MX1: variants seen among roughly 807,000 people sequenced by gnomAD.
The protein encoded by MX1 is interferon-induced GTP-binding protein Mx1.
A neutral mutation model predicts 66.4 loss-of-function variants in MX1; 66 were observed. That is an observed-to-expected ratio of 0.99 (90% CI 0.82 to 1.22). MX1 has a LOEUF of 1.22. Among genes scored for constraint, MX1 ranks in the 50% most tolerant of loss-of-function variants. The probability of loss-of-function intolerance (pLI) is 0.00; values close to 1 mark genes in which losing one functional copy is unlikely to be tolerated. For synonymous variants in MX1, 311 were observed against 318.1 expected, an observed-to-expected ratio of 0.98 and a Z score of 0.24; for missense variants, 787 against 834.3, an observed-to-expected ratio of 0.94 and a Z score of 0.70.
chr21:41,431,688 G>A (rs446742), intron 4 of MX1: 107,806 of 169,598 alleles, frequency 0.64, 36,784 homozygotes, highest in East Asian at 0.99. Context: ...CTTGGCCAGG[G>A]TGGTATTGAA....
intron 16 of MX1, among the ~76,000 whole-genome samples, chr21:41,454,282 G>A (rs2090907581): frequency 6.6e-6 from 1 of 152,200 alleles, no homozygotes; most frequent in Non-Finnish European, 1.5e-5. Context: ...TGAGTTCATG[G>A]AAACTCATCC....
intron 5 of MX1, among the ~76,000 whole-genome samples, chr21:41,434,464 A>G (rs2090306244): frequency 6.6e-6 from 1 of 152,156 alleles, no homozygotes; most frequent in South Asian, 2.1e-4. Flanking sequence ...ATATAATTAG[A>G]TTTGAGAATA....
upstream of MX1, chr21:41,421,402 T>G (rs1186325994): frequency 1.3e-5 from 2 of 152,736 alleles, no homozygotes; most frequent in African/African-American, 2.4e-5. Context: ...TTAATCCTCC[T>G]CAGCACAGAC....
intron 1 of MX1, chr21:41,426,586 C>T (rs942470487): frequency 3.3e-5 from 5 of 152,082 alleles, no homozygotes; most frequent in Admixed American, 3.3e-4. Context: ...GGGAGGTCTC[C>T]GAGGGACTCT....
chr21:41,433,104 T>C (rs2090267123), intron 5 of MX1, among the ~76,000 whole-genome samples: 1 of 152,232 alleles, frequency 6.6e-6, no homozygotes, highest in East Asian at 1.9e-4. Flanking sequence ...AGAGTGTGTC[T>C]CGTGATCTGG....
At position 41,451,858 on chromosome 21, in the gene MX1, A is replaced by AAG. The variant is rs1555887875; in HGVS notation, c.1509+616_1509+617insGA. ...TCAAAAAAAAAAAAAAAAACAAACAAAAAAACTTTCCATCCAGAGTGAGGA... is the reference window on the plus strand; with the variant it reads ...TCAAAAAAAAAAAAAAAAACAAACAAAGAAAAACTTTCCATCCAGAGTGAGGA... On this transcript the variant is annotated intron_variant, in intron 15 of 16. Coordinates refer to ENST00000398598, the MANE Select transcript of MX1 (RefSeq NM_002462.5). 2.6e-4 allele frequency among the ~76,000 whole-genome samples: 36 copies of AAG among 138,240 alleles called. 1 individual carries two copies. The highest frequency in any genetic ancestry group is 5.8e-4 in the African/African-American group (21 of 36,342). The allele number at this position is 138,240 out of a possible 152,430, so 90.7% of individuals were successfully genotyped here. A position where few individuals can be genotyped will look rare whatever the true frequency, so the allele number is the denominator to read the frequency against.
At chr21:41,448,505 G>A (rs75970187) in intron 13 of MX1, among the ~76,000 whole-genome samples, 4,683 of 152,206 alleles carry the variant, frequency 0.031, 239 homozygotes, top group East Asian at 0.098. Flanking sequence ...ACTCGAGTAC[G>A]TTTTTAAGAA....
chr21:41,441,532 C>T lies in MX1; in HGVS notation c.731-184C>T, dbSNP rs369577228. 2.4e-4 allele frequency: 154 copies of T among 629,252 alleles called. 1 individual carries two copies. Among genetic ancestry groups the T allele is most frequent in the South Asian group, 2.4e-3 (129 of 53,158 alleles). 39.0% of individuals were successfully genotyped at this position (629,252 alleles called of 1,614,324 possible). ...TCTGGGAGGCATCCCTGCCTTCACG[C>T]GGCTTGTCGTGGAGTTCTTTTCTGG... On this transcript the variant is annotated intron_variant, in intron 9 of 16. Coordinates refer to ENST00000398598, the MANE Select transcript of MX1 (RefSeq NM_002462.5). The surrounding 1 kb of genome is among the most constrained non-coding windows in gnomAD (Gnocchi z 4.0).
chr21:41,432,050 C>T lies in MX1; in HGVS notation c.-21C>T, dbSNP rs114131127. ...CAATAGGCATCTGCTTTATTTTAAGCTTACTTTGCAAAGAAGGAAGATGGT... is the reference window on the plus strand; with the variant it reads ...CAATAGGCATCTGCTTTATTTTAAGTTTACTTTGCAAAGAAGGAAGATGGT... On this transcript the variant is annotated splice_region_variant and 5_prime_UTR_variant, in exon 5 of 17. Transcript: ENST00000398598. 624 of 1,612,898 alleles carry T rather than the reference C, an allele frequency of 3.9e-4. 3 individuals carry two copies. The African/African-American group carries it at 7.0e-3, about 18-fold the overall frequency.
chr21:41,437,978 A>G (rs929074054), intron 7 of MX1, among the ~76,000 whole-genome samples: 4 of 152,246 alleles, frequency 2.6e-5, no homozygotes, highest in Non-Finnish European at 5.9e-5. Context: ...GCAAGGGGAA[A>G]TGACACCAGC....
At chr21:41,448,136 T>G (rs73372135) in intron 13 of MX1, among the ~76,000 whole-genome samples, 4,419 of 152,304 alleles carry the variant, frequency 0.029, 181 homozygotes, top group African/African-American at 0.092. Flanking sequence ...TGTTCTAGAT[T>G]ACCACTCAAA....
At chr21:41,440,789 G>T in intron 8 of MX1, 98 bp from the exon 9 acceptor site, 2 of 1,403,666 alleles carry the variant, frequency 1.4e-6, no homozygotes, top group Non-Finnish European at 1.0e-6. Context: ...ATACCCCTGG[G>T]ACTCTTAGGG....
At position 41,441,055 on chromosome 21, in the gene MX1, G is replaced by GTGAGAATGGGGGAGCCCGCCTGTGCTTGA; in HGVS notation, c.730+56_730+57insTGATGAGAATGGGGGAGCCCGCCTGTGCT. On this transcript the variant is annotated intron_variant, in intron 9 of 16. Transcript: ENST00000398598. The surrounding 1 kb of genome is among the most constrained non-coding windows in gnomAD (Gnocchi z 4.0). ...GAGTGGGGGAGCCCCACTGTGCTCA[G>GTGAGAATGGGGGAGCCCGCCTGTGCTTGA]TGAGAATGGGGGAGCCCGCCTGTGC... The GTGAGAATGGGGGAGCCCGCCTGTGCTTGA allele has an allele frequency of 1.3e-6, 2 of 1,504,066 alleles. No individual in the cohort carries two copies. Among genetic ancestry groups the GTGAGAATGGGGGAGCCCGCCTGTGCTTGA allele is most frequent in the Non-Finnish European group, 9.1e-7 (1 of 1,097,756 alleles). 93.2% of individuals were successfully genotyped at this position (1,504,066 alleles called of 1,614,324 possible). A position where few individuals can be genotyped will look rare whatever the true frequency, so the allele number is the denominator to read the frequency against.
chr21:41,455,568 C>T (rs144618769), intron 16 of MX1, among the ~76,000 whole-genome samples: 3 of 152,346 alleles, frequency 2.0e-5, no homozygotes, highest in East Asian at 1.9e-4. Context: ...TTCTGTCCTC[C>T]GAGGCTGACT....
intron 11 of MX1, among the ~76,000 whole-genome samples, chr21:41,444,294 A>ATTTTC (rs1254838824): frequency 1.2e-4 from 14 of 114,050 alleles, no homozygotes; most frequent in African/African-American, 2.7e-4. Flanking sequence ...CCTTTTTCAA[A>ATTTTC]TTTTCTTTTC....
At chr21:41,432,337 A>G (rs1223730971) in intron 5 of MX1, among the ~76,000 whole-genome samples, 162 bp downstream of exon 5, 2 of 152,148 alleles carry the variant, frequency 1.3e-5, no homozygotes, top group Non-Finnish European at 2.9e-5. Context: ...GCTGACAACC[A>G]TGTATAGACT....
chr21:41,444,314 CTTTCTTTTTTTTTTTT>C (rs2090600801), intron 11 of MX1, among the ~76,000 whole-genome samples: 3 of 103,306 alleles, frequency 2.9e-5, no homozygotes, highest in African/African-American at 1.2e-4. Context: ...CTTTTCTTTT[CTTTCTTTTTTTTTTTT>C]TTTTTTTTTT....
chr21:41,452,831 A>T lies in MX1; in HGVS notation c.1720A>T (p.Met574Leu), dbSNP rs750562234. 1 of 1,614,200 alleles carries T rather than the reference A, an allele frequency of 6.2e-7. No homozygotes were observed. Among genetic ancestry groups the T allele is most frequent in the South Asian group, 1.1e-5 (1 of 91,084 alleles). ...FQSSSATDSSMEEIFQHLMAY... is the reference protein window; with the variant it reads ...FQSSSATDSSLEEIFQHLMAY... ...GTCCAGCTCGGCAACAGACTCTTCC[A>T]TGGAGGAGATCTTTCAGCACCTGAT... is the stretch of plus-strand genomic sequence containing the variant. The change falls in exon 16 of 17, where the codon ATG (methionine) becomes TTG (leucine). Residue 574 changes from methionine to leucine, a missense_variant. By Grantham distance (15) the Met-to-Leu change is conservative. Coordinates refer to ENST00000398598, the MANE Select transcript of MX1 (RefSeq NM_002462.5).
intron 16 of MX1, 54 bp downstream of exon 16, chr21:41,452,923 A>C: frequency 6.3e-7 from 1 of 1,593,680 alleles, no homozygotes; most frequent in Non-Finnish European, 8.5e-7. Context: ...TTTTCTTCTG[A>C]ACGCCTCTCT....
Sources: allele counts gnomAD v4.1 joint callset (sites outside exome capture counted in the v4.1 genomes callset), GRCh38; gene constraint gnomAD v4.1.1; non-coding constraint Gnocchi (gnomAD v3.1); transcripts MANE v1.5; gene names NCBI Gene and HGNC (gene_info 2026-07-23, HGNC 2026-07-21).